CNTN4: variants seen among roughly 807,000 people sequenced by gnomAD.
CNTN4 encodes the protein contactin-4.
Under a neutral mutation model 122.5 loss-of-function variants are expected in CNTN4, and 77 were observed. The ratio of observed to expected loss-of-function variants is 0.63; its 90% CI spans 0.52 to 0.76. CNTN4 has a LOEUF of 0.76. Ranked by LOEUF, CNTN4 falls within the 30% of genes least tolerant of loss-of-function variation. The pLI is 0.00. For synonymous variants in CNTN4, 512 were observed against 447.0 expected (o/e 1.15, Z -1.83); for missense variants, 1,256 against 1,259.1 (o/e 1.00, Z 0.04).
At chr3:2,763,672 A>G (rs1351430368) in intron 6 of CNTN4, among the ~76,000 whole-genome samples, 1 of 152,184 alleles carries the variant, frequency 6.6e-6, no homozygotes, top group Non-Finnish European at 1.5e-5. Context: ...GGTATAAGAA[A>G]GGGGTCCACT....
intron 3 of CNTN4, among the ~76,000 whole-genome samples, chr3:2,550,892 T>C (rs540121489): frequency 5.3e-5 from 8 of 151,468 alleles, no homozygotes; most frequent in African/African-American, 1.7e-4. Flanking sequence ...TAAGTGGGAG[T>C]TGAACAATGA....
chr3:2,215,466 C>G (rs753065034), intron 2 of CNTN4, among the ~76,000 whole-genome samples: 2 of 152,214 alleles, frequency 1.3e-5, no homozygotes, highest in Non-Finnish European at 2.9e-5. Context: ...AAACATTTCT[C>G]TAGGGCATAT....
At chr3:2,811,861 T>G (rs1298713820) in intron 6 of CNTN4, among the ~76,000 whole-genome samples, 1 of 152,046 alleles carries the variant, frequency 6.6e-6, no homozygotes, top group Non-Finnish European at 1.5e-5. Flanking sequence ...AGACAGGGTT[T>G]CCCCGTGTTG....
At chr3:2,409,268 G>A (rs967965483) in intron 3 of CNTN4, among the ~76,000 whole-genome samples, 10 of 131,662 alleles carry the variant, frequency 7.6e-5, no homozygotes, top group African/African-American at 2.8e-4. Context: ...TTTTTTTTGA[G>A]ATAGTGTCTC....
At chr3:2,949,924 G>C (rs2094720654) in intron 13 of CNTN4, among the ~76,000 whole-genome samples, 1 of 152,038 alleles carries the variant, frequency 6.6e-6, no homozygotes, top group African/African-American at 2.4e-5. Flanking sequence ...ATGGCATTTG[G>C]GTGTTCATCT....
At chr3:2,318,533 A>C (rs1048890220) in intron 2 of CNTN4, among the ~76,000 whole-genome samples, 3 of 152,168 alleles carry the variant, frequency 2.0e-5, no homozygotes, top group African/African-American at 7.2e-5. Flanking sequence ...TCTCCTCCTA[A>C]CATGTGAGAG....
chr3:2,627,644 C>A (rs1196632709), intron 4 of CNTN4, among the ~76,000 whole-genome samples: 1 of 151,978 alleles, frequency 6.6e-6, no homozygotes, highest in Non-Finnish European at 1.5e-5. Flanking sequence ...CAGGTGCCCG[C>A]CACCACGCCT....
chr3:2,730,226 A>G lies in CNTN4; in HGVS notation c.56-5989A>G, dbSNP rs144868161. Among the ~76,000 whole-genome samples, 764 of 152,332 alleles carry G rather than the reference A, an allele frequency of 5.0e-3. 9 individuals are homozygous for G. The highest frequency in any genetic ancestry group is 0.018 in the African/African-American group (742 of 41,564). ...AACATGAAAATCATTAATGTTTCAT[A>G]TATACCTTATACCTATAGCCTGAAG... On this transcript the variant is annotated intron_variant, in intron 4 of 24. Transcript: ENST00000418658.
At chr3:2,353,171 C>G (rs1024816053) in intron 3 of CNTN4, among the ~76,000 whole-genome samples, 3 of 151,780 alleles carry the variant, frequency 2.0e-5, no homozygotes, top group Admixed American at 2.0e-4. Context: ...CACCAATCAG[C>G]ACTGTGTATC....
In CNTN4 at chr3:2,841,982, G is replaced by A. The variant is rs1577020548; in HGVS notation, c.454+22401G>A. Among the ~76,000 whole-genome samples, 3 of 151,836 alleles carry A rather than the reference G, an allele frequency of 2.0e-5. No individual in the cohort carries two copies. On this transcript the variant is annotated intron_variant, in intron 7 of 24. Transcript: ENST00000418658. This position sits in a 1 kb window ranked among gnomAD's most constrained non-coding sequence, Gnocchi z 4.8. ...TGAAACCAGAAATAAATAAATAAAT[G>A]AAGCTAGCTGCCCCCATTTTTTTCA... is the stretch of plus-strand genomic sequence containing the variant.
At chr3:2,507,645 G>A (rs1361425934) in intron 3 of CNTN4, among the ~76,000 whole-genome samples, 2 of 149,934 alleles carry the variant, frequency 1.3e-5, no homozygotes, top group Non-Finnish European at 3.0e-5. Flanking sequence ...TGAGGCAGGA[G>A]AATCACTTGA....
chr3:2,944,598 G>A (rs936259292), intron 13 of CNTN4, among the ~76,000 whole-genome samples: 5 of 151,886 alleles, frequency 3.3e-5, no homozygotes, highest in Non-Finnish European at 7.4e-5. Context: ...AAAGCAAAAT[G>A]TAAGAAAACT....
intron 8 of CNTN4, among the ~76,000 whole-genome samples, chr3:2,878,745 A>C (rs770482521): frequency 1.1e-4 from 17 of 152,234 alleles, no homozygotes; most frequent in Admixed American, 2.6e-4. Flanking sequence ...GAAGTTAGGA[A>C]TATAGCTATG....
At chr3:2,698,317 C>T (rs1330631710) in intron 4 of CNTN4, among the ~76,000 whole-genome samples, 4 of 152,090 alleles carry the variant, frequency 2.6e-5, no homozygotes, top group Admixed American at 6.5e-5. Context: ...TCCCTTTTCC[C>T]TTCCATTTAT....
At chr3:2,193,263 C>G (rs2037671970) in intron 2 of CNTN4, among the ~76,000 whole-genome samples, 1 of 151,708 alleles carries the variant, frequency 6.6e-6, no homozygotes, top group East Asian at 1.9e-4. Flanking sequence ...ATGGCATTGT[C>G]ATTTGTGGAC....
chr3:2,518,819 AG>A (rs1559629394), intron 3 of CNTN4, among the ~76,000 whole-genome samples: 3 of 151,886 alleles, frequency 2.0e-5, no homozygotes, highest in African/African-American at 7.3e-5. Context: ...TGTGGGCCTG[AG>A]ACTTAAATCT....
At chr3:2,689,840 C>T (rs1184003676) in intron 4 of CNTN4, among the ~76,000 whole-genome samples, 1 of 152,078 alleles carries the variant, frequency 6.6e-6, no homozygotes, top group Non-Finnish European at 1.5e-5. Flanking sequence ...CTATCTCCAG[C>T]ACATACATAA....
intron 4 of CNTN4, among the ~76,000 whole-genome samples, chr3:2,668,398 G>C (rs956745855): frequency 6.6e-6 from 1 of 152,090 alleles, no homozygotes; most frequent in African/African-American, 2.4e-5. Flanking sequence ...CTGTTTGTCT[G>C]TTATTGGTAT....
Position 2,268,520 on chromosome 3 carries a change from C to T in CNTN4, c.-144-70658C>T, listed in dbSNP as rs145128181. On this transcript the variant is annotated intron_variant, in intron 2 of 24. Transcript: ENST00000418658. ...TTTATTATATTAATAGTATCTGTTA[C>T]ATAATATTAACTCAGTAAATGCAGG... Among the ~76,000 whole-genome samples, 806 of 152,148 alleles carry T rather than the reference C, an allele frequency of 5.3e-3. 14 individuals carry two copies. The highest frequency in any genetic ancestry group is 0.019 in the African/African-American group (772 of 41,524).
Sources: allele counts gnomAD v4.1 joint callset (sites outside exome capture counted in the v4.1 genomes callset), GRCh38; gene constraint gnomAD v4.1.1; non-coding constraint Gnocchi (gnomAD v3.1); transcripts MANE v1.5; gene names NCBI Gene and HGNC (gene_info 2026-07-23, HGNC 2026-07-21).